The following YES1 variants were observed in gnomAD, a reference collection of about 807,000 sequenced individuals.
The protein encoded by YES1 is tyrosine-protein kinase Yes.
YES1 carries 39 observed loss-of-function variants against 70.4 expected under a neutral mutation model. The ratio of observed to expected loss-of-function variants is 0.55; its 90% CI spans 0.43 to 0.72. The LOEUF is 0.72. Among genes scored for constraint, YES1 ranks in the 30% least tolerant of loss-of-function variants. The probability of loss-of-function intolerance (pLI) is 0.00; values close to 1 mark genes in which losing one functional copy is unlikely to be tolerated. For synonymous variants in YES1, 198 were observed against 218.6 expected, an observed-to-expected ratio of 0.91 and a Z score of 0.83; for missense variants, 495 against 644.8, an observed-to-expected ratio of 0.77 and a Z score of 2.52.
intron 2 of YES1, among the ~76,000 whole-genome samples, chr18:755,962 T>C (rs894505916): frequency 3.9e-5 from 6 of 152,242 alleles, no homozygotes; most frequent in African/African-American, 1.4e-4. Context: ...CAACAATCAC[T>C]TCTTGCTATT....
intron 1 of YES1, among the ~76,000 whole-genome samples, chr18:766,449 A>G (rs1904913085): frequency 6.6e-6 from 1 of 151,976 alleles, no homozygotes; most frequent in Admixed American, 6.5e-5. Context: ...GCACTACATG[A>G]TTAGTGAAAG....
chr18:796,623 C>T (rs1365560380), intron 1 of YES1, among the ~76,000 whole-genome samples: 1 of 152,004 alleles, frequency 6.6e-6, no homozygotes, highest in Non-Finnish European at 1.5e-5. Flanking sequence ...AAAAATTAGC[C>T]GGGCGTGGTG....
At chr18:725,439 T>C (rs966156519) in intron 11 of YES1, among the ~76,000 whole-genome samples, 1 of 152,144 alleles carries the variant, frequency 6.6e-6, no homozygotes, top group Non-Finnish European at 1.5e-5. Context: ...AAATCATTAC[T>C]ATTTAGATTT....
At chr18:786,442 C>T (rs1905944815) in intron 1 of YES1, among the ~76,000 whole-genome samples, 1 of 150,194 alleles carries the variant, frequency 6.7e-6, no homozygotes, top group Non-Finnish European at 1.5e-5. Flanking sequence ...TGTGGTTAGC[C>T]TAGAAGGCAC....
chr18:762,700 C>T (rs191957536), intron 1 of YES1, among the ~76,000 whole-genome samples: 118 of 152,250 alleles, frequency 7.8e-4, no homozygotes, highest in Admixed American at 2.1e-3. Context: ...CCTCAGAATT[C>T]ACCACTACAT....
At chr18:726,798 A>C (rs2080025815) in intron 11 of YES1, among the ~76,000 whole-genome samples, 2 of 150,242 alleles carry the variant, frequency 1.3e-5, no homozygotes, top group Non-Finnish European at 3.0e-5. Flanking sequence ...AAAAAAAAAA[A>C]AAAAAAAAAA....
intron 1 of YES1, among the ~76,000 whole-genome samples, chr18:809,771 AC>A (rs780440409): frequency 4.1e-4 from 63 of 152,316 alleles, no homozygotes; most frequent in Admixed American, 2.2e-3. Context: ...CCTTAAAAAA[AC>A]AACAACAAAT....
intron 1 of YES1, among the ~76,000 whole-genome samples, chr18:783,574 C>A (rs1177018926): frequency 8.6e-5 from 13 of 151,856 alleles, no homozygotes; most frequent in Non-Finnish European, 1.5e-4. Flanking sequence ...CATTCCCTAC[C>A]CCCAACAGAT....
intron 1 of YES1, among the ~76,000 whole-genome samples, chr18:811,911 G>A (rs900709555): frequency 8.5e-5 from 13 of 152,310 alleles, no homozygotes; most frequent in Admixed American, 2.6e-4. Context: ...ACCGAGTCAG[G>A]GGCGAGCAGG....
intron 1 of YES1, among the ~76,000 whole-genome samples, chr18:801,522 C>A (rs920380670): frequency 2.0e-5 from 3 of 152,166 alleles, no homozygotes; most frequent in Non-Finnish European, 4.4e-5. Flanking sequence ...TTCTGCAACA[C>A]GTCTGAAATT....
At chr18:763,603 T>G (rs1245011828) in intron 1 of YES1, among the ~76,000 whole-genome samples, 1 of 149,178 alleles carries the variant, frequency 6.7e-6, no homozygotes, top group Non-Finnish European at 1.5e-5. Flanking sequence ...CTTGGGAGGT[T>G]GAGGTGGGAA....
intron 1 of YES1, among the ~76,000 whole-genome samples, chr18:795,912 A>AACACACACACACACACACACACAC (rs72204539): frequency 1.5e-4 from 22 of 144,696 alleles, no homozygotes; most frequent in African/African-American, 4.6e-4. Flanking sequence ...CCAGAACTTA[A>AACACACACACACACACACACACAC]ACACACACAC....
Position 777,644 on chromosome 18 carries a change from T to C in YES1, c.-8-20809A>G, listed in dbSNP as rs1905447935. On this transcript the variant is annotated intron_variant, in intron 1 of 11. Coordinates refer to ENST00000314574, the MANE Select transcript of YES1 (RefSeq NM_005433.4). Reference sequence around the variant, plus strand: ...CAACATGCTGAAACCCTGTTTCTACTAAAAATACAAAAATCAGCCAGGCAT... The same window carrying C: ...CAACATGCTGAAACCCTGTTTCTACCAAAAATACAAAAATCAGCCAGGCAT... 2.6e-5 allele frequency among the ~76,000 whole-genome samples: 4 copies of C among 151,774 alleles called. No individual in the cohort carries two copies. The South Asian group carries it at 6.2e-4, about 24-fold the overall frequency.
chr18:747,484 T>C (rs1598902354), intron 4 of YES1, among the ~76,000 whole-genome samples: 1 of 152,048 alleles, frequency 6.6e-6, no homozygotes, highest in African/African-American at 2.4e-5. Flanking sequence ...AAAAGAAGAA[T>C]GTAAGTCTTG....
At chr18:794,828 G>A (rs1568217888) in intron 1 of YES1, among the ~76,000 whole-genome samples, 1 of 152,058 alleles carries the variant, frequency 6.6e-6, no homozygotes, top group Non-Finnish European at 1.5e-5. Context: ...GTTTTGTTTT[G>A]TTTTTTGAGA....
At chr18:792,551 CTCT>C (rs1906309909) in intron 1 of YES1, among the ~76,000 whole-genome samples, 9 of 107,346 alleles carry the variant, frequency 8.4e-5, no homozygotes, top group Admixed American at 4.6e-4. Flanking sequence ...CTCTCTCTCT[CTCT>C]CCCTCTGTAT....
chr18:774,638 T>C (rs1358809201), intron 1 of YES1, among the ~76,000 whole-genome samples: 1 of 152,138 alleles, frequency 6.6e-6, no homozygotes, highest in Non-Finnish European at 1.5e-5. Flanking sequence ...TGACAACTTC[T>C]CTCCACCTCC....
In YES1 at chr18:722,031, T is replaced by C. The variant is rs1440597739; in HGVS notation, c.*2393A>G. The C allele has an allele frequency of 6.6e-6, 1 of 152,660 alleles. No homozygotes were observed. Among genetic ancestry groups the C allele is most frequent in the Non-Finnish European group, 1.5e-5 (1 of 68,050 alleles). The allele number at this position is 152,660 out of a possible 1,614,324, so 9.5% of individuals were successfully genotyped here. On this transcript the variant is annotated 3_prime_UTR_variant, in exon 12 of 12. Coordinates refer to ENST00000314574, the MANE Select transcript of YES1 (RefSeq NM_005433.4). ...CATTAAGTTAGTGTTTTATCCCTAC[T>C]ATACAATTGTTATTATATAAGGAAC...
Position 796,888 on chromosome 18 carries a change from T to G in YES1, c.-9+15226A>C, listed in dbSNP as rs138226444. Among the ~76,000 whole-genome samples, 589 of 152,264 alleles carry G rather than the reference T, an allele frequency of 3.9e-3. 4 individuals are homozygous for G. The highest frequency in any genetic ancestry group is 3.9e-3 in the Non-Finnish European group (265 of 68,004). On this transcript the variant is annotated intron_variant, in intron 1 of 11. Coordinates refer to ENST00000314574, the MANE Select transcript of YES1 (RefSeq NM_005433.4). ...CCAGTGTGAAAATAGATTTAATAAC[T>G]AGCAGTAGTGAGGTATATCATCTGA...
Sources: gnomAD v4.1 joint callset for allele counts (sites outside exome capture counted in the v4.1 genomes callset) on GRCh38, gnomAD v4.1.1 for gene constraint, MANE v1.5 for transcripts, NCBI Gene and HGNC (gene_info 2026-07-23, HGNC 2026-07-21) for gene names.